The following VAV3 variants were observed in gnomAD, a reference collection of about 807,000 sequenced individuals.
VAV3 encodes guanine nucleotide exchange factor VAV3.
VAV3 carries 94 observed loss-of-function variants against 131.2 expected under a neutral mutation model. The observed-to-expected ratio is 0.72, with a 90% confidence interval of 0.61 to 0.85. The LOEUF is 0.85. Ranked by LOEUF, VAV3 falls within the 40% of genes least tolerant of loss-of-function variation. The pLI, the probability that VAV3 is intolerant of heterozygous loss-of-function variation, is 0.00. For synonymous variants in VAV3, 349 were observed against 342.0 expected (o/e 1.02, Z -0.22); for missense variants, 939 against 1,002.7 (o/e 0.94, Z 0.86).
intron 9 of VAV3, among the ~76,000 whole-genome samples, chr1:107,762,169 A>C (rs1389766031): frequency 6.6e-6 from 1 of 151,470 alleles, no homozygotes; most frequent in African/African-American, 2.4e-5. Flanking sequence ...GAGCAACCTC[A>C]TAAGTCCAAA....
At chr1:107,739,674 G>A (rs1349785014) in intron 15 of VAV3, among the ~76,000 whole-genome samples, 2 of 152,138 alleles carry the variant, frequency 1.3e-5, no homozygotes, top group African/African-American at 4.8e-5. Context: ...ATCCAAAAGG[G>A]CTGACAAATA....
chr1:107,783,432 GA>G (rs1665807531), intron 2 of VAV3, among the ~76,000 whole-genome samples: 1 of 152,174 alleles, frequency 6.6e-6, no homozygotes, highest in African/African-American at 2.4e-5. Context: ...GAGTGTTCAG[GA>G]ATAGTAGCTG....
chr1:107,831,355 A>C (rs1022249376), intron 2 of VAV3, among the ~76,000 whole-genome samples: 4 of 152,210 alleles, frequency 2.6e-5, no homozygotes, highest in Non-Finnish European at 5.9e-5. Flanking sequence ...TTTTCGTGTC[A>C]TTTCAGAAAA....
intron 1 of VAV3, among the ~76,000 whole-genome samples, chr1:107,897,027 A>C (rs1021446579): frequency 1.3e-5 from 2 of 151,958 alleles, no homozygotes; most frequent in Non-Finnish European, 2.9e-5. Context: ...AGAAATCCAC[A>C]GTCCACAATA....
At chr1:107,872,098 C>G (rs1226184367) in intron 2 of VAV3, among the ~76,000 whole-genome samples, 1 of 152,122 alleles carries the variant, frequency 6.6e-6, no homozygotes, top group Non-Finnish European at 1.5e-5. Flanking sequence ...ACCCAAAACA[C>G]AGACAGTGGA....
chr1:107,755,826 A>C (rs1376373181), intron 11 of VAV3, among the ~76,000 whole-genome samples: 1 of 152,230 alleles, frequency 6.6e-6, no homozygotes, highest in East Asian at 1.9e-4. Flanking sequence ...AGGTCGGAAG[A>C]ATAGAAATTC....
intron 19 of VAV3, among the ~76,000 whole-genome samples, chr1:107,676,791 C>T (rs1282489829): frequency 6.6e-6 from 1 of 152,038 alleles, no homozygotes; most frequent in African/African-American, 2.4e-5. Flanking sequence ...TGTCCTGTGT[C>T]CTTCAGTTTG....
At position 107,765,232 on chromosome 1, in the gene VAV3, G is replaced by A. The variant is rs1396468843; in HGVS notation, c.822-57C>T. On this transcript the variant is annotated intron_variant, in intron 8 of 26. Transcript: ENST00000370056. ...GACAAAAACCAAGAATGAACTGGAG[G>A]GGGAAACAAGCAGAATCTTCATCTC... The A allele has an allele frequency of 6.9e-6, 9 of 1,309,804 alleles. No homozygotes were observed. The East Asian group carries it at 2.1e-4, about 30-fold the overall frequency. The allele number at this position is 1,309,804 out of a possible 1,614,324, so 81.1% of individuals were successfully genotyped here.
intron 25 of VAV3, among the ~76,000 whole-genome samples, chr1:107,593,758 C>A (rs1160111753): frequency 6.6e-6 from 1 of 151,872 alleles, no homozygotes; most frequent in South Asian, 2.1e-4. Flanking sequence ...TAAAAATAAG[C>A]AAGTTATATT....
At chr1:107,802,037 G>A (rs540772148) in intron 2 of VAV3, among the ~76,000 whole-genome samples, 87 of 151,684 alleles carry the variant, frequency 5.7e-4, no homozygotes, top group African/African-American at 2.0e-3. Context: ...TCTCTTCATC[G>A]GCATTTTAAG....
chr1:107,881,096 T>C (rs1454826109), intron 1 of VAV3, among the ~76,000 whole-genome samples: 1 of 152,226 alleles, frequency 6.6e-6, no homozygotes, highest in Non-Finnish European at 1.5e-5. Flanking sequence ...ACTACTATGT[T>C]ATATTAACTC....
At chr1:107,681,594 T>G (rs1658613332) in intron 19 of VAV3, among the ~76,000 whole-genome samples, 1 of 151,902 alleles carries the variant, frequency 6.6e-6, no homozygotes, top group Non-Finnish European at 1.5e-5. Flanking sequence ...GTTTTTTATT[T>G]CCAAAAATAT....
intron 20 of VAV3, among the ~76,000 whole-genome samples, chr1:107,636,687 G>C (rs2101453700): frequency 6.6e-6 from 1 of 152,232 alleles, no homozygotes; most frequent in East Asian, 1.9e-4. Flanking sequence ...GGCCCTCCAA[G>C]TATAGTTTCT....
At chr1:107,776,402 T>C (rs752962444) in intron 4 of VAV3, among the ~76,000 whole-genome samples, 35 of 151,946 alleles carry the variant, frequency 2.3e-4, no homozygotes, top group Admixed American at 5.2e-4. Flanking sequence ...AACACAGCAA[T>C]GTAAGGGGGT....
intron 2 of VAV3, among the ~76,000 whole-genome samples, chr1:107,833,342 C>G (rs1451125333): frequency 6.6e-6 from 1 of 152,174 alleles, no homozygotes; most frequent in Admixed American, 6.5e-5. Flanking sequence ...CTCTTCCATT[C>G]TGTGAAGGCT....
At chr1:107,729,313 A>G (rs1423315261) in intron 15 of VAV3, among the ~76,000 whole-genome samples, 1 of 152,206 alleles carries the variant, frequency 6.6e-6, no homozygotes, top group East Asian at 1.9e-4. Context: ...CCAACAAGTC[A>G]TTAGTCAAAG....
At chr1:107,616,227 T>A (rs187901238) in intron 21 of VAV3, among the ~76,000 whole-genome samples, 162 of 152,208 alleles carry the variant, frequency 1.1e-3, no homozygotes, top group African/African-American at 3.6e-3. Context: ...GAAAATATGG[T>A]ACATATACAC....
chr1:107,769,664 CCATT>C (rs1664930100), intron 6 of VAV3, among the ~76,000 whole-genome samples: 1 of 152,160 alleles, frequency 6.6e-6, no homozygotes, highest in Non-Finnish European at 1.5e-5. Flanking sequence ...TCAACAAATC[CCATT>C]CAAAGTCTAA....
intron 10 of VAV3, among the ~76,000 whole-genome samples, chr1:107,757,960 C>T (rs1297142910): frequency 6.6e-6 from 1 of 152,094 alleles, no homozygotes; most frequent in East Asian, 1.9e-4. Flanking sequence ...TGTGCTCAAC[C>T]CAAAATTCAC....
Sources: allele counts gnomAD v4.1 joint callset (sites outside exome capture counted in the v4.1 genomes callset), GRCh38; gene constraint gnomAD v4.1.1; transcripts MANE v1.5; gene names NCBI Gene and HGNC (gene_info 2026-07-23, HGNC 2026-07-21).